Variants in PDXK observed in about 807,000 individuals in gnomAD.
PDXK encodes pyridoxal kinase.
A neutral mutation model predicts 43.2 loss-of-function variants in PDXK; 15 were observed. The observed-to-expected ratio is 0.35, with a 90% CI of 0.23 to 0.53. PDXK has a LOEUF of 0.53. Among genes scored for constraint, PDXK ranks in the 20% least tolerant of loss-of-function variants. The pLI, the probability that PDXK is intolerant of heterozygous loss-of-function variation, is 0.92. For synonymous variants in PDXK, 172 were observed against 165.4 expected, an observed-to-expected ratio of 1.04 and a Z score of -0.31; for missense variants, 343 against 417.0, an observed-to-expected ratio of 0.82 and a Z score of 1.54.
At chr21:43,740,174 C>T (rs2083470735) in intron 2 of PDXK, among the ~76,000 whole-genome samples, 1 of 152,092 alleles carries the variant, frequency 6.6e-6, no homozygotes, top group Non-Finnish European at 1.5e-5. Context: ...CTCCTGATGG[C>T]AGTCTCAGGA....
rs374254716 is a variant in PDXK, at chr21:43,737,529, C to T, written c.142+3406C>T. On this transcript the variant is annotated intron_variant, in intron 2 of 10. Transcript: ENST00000291565. The surrounding 1 kb of genome is among the most constrained non-coding windows in gnomAD (Gnocchi z 4.8). ...GCGGAGCTGGAGGTCAGCGGGTGGA[C>T]GGGTTGCGCTGTCCTGGCTTTCGGA... 53 of 1,024,820 alleles carry T rather than the reference C, an allele frequency of 5.2e-5. No individual in the cohort carries two copies. Among genetic ancestry groups the T allele is most frequent in the East Asian group, 2.1e-4 (2 of 9,578 alleles). 63.5% of individuals were successfully genotyped at this position (1,024,820 alleles called of 1,614,324 possible). A position where few individuals can be genotyped will look rare whatever the true frequency, so the allele number is the denominator to read the frequency against.
In PDXK at chr21:43,753,564, G is replaced by C; in HGVS notation, c.623-19G>C. ...AGGAGCGGCAGATCTCAGTGACCTT[G>C]CCCATCTTCTCCCCCTAGGGAATCC... On this transcript the variant is annotated intron_variant, in intron 8 of 10. Coordinates refer to ENST00000291565, the MANE Select transcript of PDXK (RefSeq NM_003681.5). The C allele has an allele frequency of 1.2e-6, 2 of 1,601,762 alleles. No individual in the cohort carries two copies. Among genetic ancestry groups the C allele is most frequent in the East Asian group, 4.5e-5 (2 of 44,526 alleles).
chr21:43,738,259 A>T (rs2083437495), intron 2 of PDXK: 1 of 155,400 alleles, frequency 6.4e-6, no homozygotes. Flanking sequence ...AGACACACAC[A>T]GAGGGACAGC....
chr21:43,749,180 C>T (rs2083691539), intron 6 of PDXK, 100 bp downstream of exon 6: 1 of 625,736 alleles, frequency 1.6e-6, no homozygotes, highest in Admixed American at 2.7e-5. Context: ...TCACAGCTCA[C>T]TGCAACCTCT....
Position 43,755,680 on chromosome 21 carries a change from A to G in PDXK, c.760-18A>G. ...TTGTGAGTGGGCCAGGGGCACAGCAAGTCTGTCCTCCCTGCAGGTGGCCTG... is the reference window on the plus strand; with the variant it reads ...TTGTGAGTGGGCCAGGGGCACAGCAGGTCTGTCCTCCCTGCAGGTGGCCTG... On this transcript the variant is annotated intron_variant, in intron 9 of 10. Transcript: ENST00000291565. The G allele has an allele frequency of 6.2e-7, 1 of 1,606,568 alleles. No individual in the cohort carries two copies. Among genetic ancestry groups the G allele is most frequent in the Non-Finnish European group, 8.5e-7 (1 of 1,173,120 alleles).
intron 1 of PDXK, among the ~76,000 whole-genome samples, chr21:43,726,566 G>C (rs569898043): frequency 6.6e-6 from 1 of 152,000 alleles, no homozygotes; most frequent in Non-Finnish European, 1.5e-5. Flanking sequence ...GAGCCACCGC[G>C]CCCGGCCAAT....
At chr21:43,733,686 G>C in intron 1 of PDXK, 1 of 1,093,748 alleles carries the variant, frequency 9.1e-7, no homozygotes, top group Non-Finnish European at 1.1e-6. Context: ...CCCAGCCTCT[G>C]TTCAGTGTGT....
intron 1 of PDXK, chr21:43,719,623 G>T: frequency 1.0e-6 from 1 of 985,452 alleles, no homozygotes; most frequent in Non-Finnish European, 1.2e-6. Flanking sequence ...CGGGGTACGC[G>T]GGTAGGAGGG....
chr21:43,752,114 T>C (rs2083761421), intron 7 of PDXK, among the ~76,000 whole-genome samples: 1 of 152,056 alleles, frequency 6.6e-6, no homozygotes, highest in Non-Finnish European at 1.5e-5. Flanking sequence ...TGTGTGTGTG[T>C]GTGTGTGTGT....
Position 43,737,718 on chromosome 21 carries a change from AGC to A in PDXK, c.142+3596_142+3597del. 1.1e-6 allele frequency: 1 copy of A among 900,208 alleles called. No homozygotes were observed. Among genetic ancestry groups the A allele is most frequent in the Non-Finnish European group, 1.3e-6 (1 of 761,114 alleles). The allele number at this position is 900,208 out of a possible 1,614,324, so 55.8% of individuals were successfully genotyped here. ...CAGCGAGGGGCCAGGCCGGGCCAGG[AGC>A]CTGCCGACGGACACCAGCGAGGGGC... On this transcript the variant is annotated intron_variant, in intron 2 of 10. Transcript: ENST00000291565. This position sits in a 1 kb window ranked among gnomAD's most constrained non-coding sequence, Gnocchi z 4.8.
chr21:43,730,696 G>GTA (rs1261528426), intron 1 of PDXK, among the ~76,000 whole-genome samples: 4 of 152,274 alleles, frequency 2.6e-5, no homozygotes, highest in Non-Finnish European at 5.9e-5. Context: ...GCTCATACCT[G>GTA]TAGTCCCAGC....
intron 2 of PDXK, among the ~76,000 whole-genome samples, chr21:43,739,793 CAT>C (rs1416188507): frequency 1.3e-5 from 2 of 151,914 alleles, no homozygotes; most frequent in East Asian, 3.9e-4. Flanking sequence ...GAAAGGAGCA[CAT>C]GTGCAGCAGT....
chr21:43,731,747 G>A (rs995651850), intron 1 of PDXK, among the ~76,000 whole-genome samples: 13 of 151,626 alleles, frequency 8.6e-5, no homozygotes, highest in African/African-American at 3.2e-4. Flanking sequence ...AAGATGAGGT[G>A]TATCAGGCAG....
In PDXK at chr21:43,745,120, C is replaced by T. The variant is rs569654054; in HGVS notation, c.332-959C>T. 1.4e-3 allele frequency among the ~76,000 whole-genome samples: 219 copies of T among 152,138 alleles called. 1 individual carries two copies. The highest frequency in any genetic ancestry group is 2.4e-3 in the Non-Finnish European group (164 of 68,002). On this transcript the variant is annotated intron_variant, in intron 4 of 10. Transcript: ENST00000291565. ...GCGGCTGGGAAAGGCCAGTTCATCG[C>T]GGTAGAAAGCAGACGGAGGCTCGGT...
Position 43,741,765 on chromosome 21 carries a change from C to A in PDXK, c.241C>A (p.Leu81Ile). ...LNNMNKYDYV[L>I]TGYTRDKSFL... is the part of the protein sequence containing the mutation. ...CAACATGAATAAATATGACTACGTG[C>A]TCACAGGTAGGTGCCGGAGCAAGCT... Residue 81 changes from leucine to isoleucine, a missense_variant, in exon 3 of 11, where the codon CTC becomes ATC. By Grantham distance (5) the Leu-to-Ile change is conservative. Transcript: ENST00000291565. 3 of 1,600,528 alleles carry A rather than the reference C, an allele frequency of 1.9e-6. No individual in the cohort carries two copies. The highest frequency in any genetic ancestry group is 1.7e-6 in the Non-Finnish European group (2 of 1,169,142).
At chr21:43,738,375 A>T (rs539165707) in intron 2 of PDXK, 1 of 152,400 alleles carries the variant, frequency 6.6e-6, no homozygotes, top group East Asian at 1.9e-4. Flanking sequence ...CCAGGACAGT[A>T]GGAGAATTGG....
At chr21:43,722,326 G>T (rs946759890) in intron 1 of PDXK, among the ~76,000 whole-genome samples, 1 of 152,226 alleles carries the variant, frequency 6.6e-6, no homozygotes, top group Non-Finnish European at 1.5e-5. Context: ...CTGGCTATCA[G>T]TTCAGCAGCT....
At chr21:43,743,007 T>C (rs2147272306) in intron 3 of PDXK, among the ~76,000 whole-genome samples, 1 of 152,280 alleles carries the variant, frequency 6.6e-6, no homozygotes, top group East Asian at 1.9e-4. Flanking sequence ...CTGCCGGGTC[T>C]GCCCTCCGTG....
rs115291536 is a variant in PDXK, at chr21:43,730,696, G to A, written c.88-3373G>A. On this transcript the variant is annotated intron_variant, in intron 1 of 10. Coordinates refer to ENST00000291565, the MANE Select transcript of PDXK (RefSeq NM_003681.5). ...AGTCTGGGTGCAGTGGCTCATACCT[G>A]TAGTCCCAGCACTTTGGGAGGCTAA... is the stretch of plus-strand genomic sequence containing the variant. Among the ~76,000 whole-genome samples, 424 of 152,272 alleles carry A rather than the reference G, an allele frequency of 2.8e-3. 1 individual carries two copies. The highest frequency in any genetic ancestry group is 9.7e-3 in the African/African-American group (402 of 41,560).
Sources: gnomAD v4.1 joint callset for allele counts (sites outside exome capture counted in the v4.1 genomes callset) on GRCh38, gnomAD v4.1.1 for gene constraint, Gnocchi (gnomAD v3.1) non-coding constraint, MANE v1.5 for transcripts, NCBI Gene and HGNC (gene_info 2026-07-23, HGNC 2026-07-21) for gene names.